Variants in IFT43 observed in about 807,000 individuals in gnomAD.
IFT43 encodes the protein intraflagellar transport 43, also known as intraflagellar transport protein 43 homolog.
IFT43 carries 33 observed loss-of-function variants against 32.3 expected under a neutral mutation model. That is an observed-to-expected ratio of 1.02 (90% CI 0.77 to 1.37). The LOEUF is 1.37. IFT43 is among the 40% of genes most tolerant of loss of function. The probability of loss-of-function intolerance (pLI) is 0.00; values close to 1 mark genes in which losing one functional copy is unlikely to be tolerated. For missense variants in IFT43, 274 were observed against 265.9 expected, an observed-to-expected ratio of 1.03 and a Z score of -0.21; for synonymous variants, 93 against 98.2, an observed-to-expected ratio of 0.95 and a Z score of 0.31.
chr14:76,060,534 C>CTT (rs35513401), intron 5 of IFT43, among the ~76,000 whole-genome samples: 6 of 148,736 alleles, frequency 4.0e-5, no homozygotes, highest in Admixed American at 1.3e-4. Context: ...TTGTCAAAGC[C>CTT]TTTTTTTTTT....
intron 5 of IFT43, among the ~76,000 whole-genome samples, chr14:76,065,820 A>G (rs561830840): frequency 2.6e-5 from 4 of 152,324 alleles, no homozygotes; most frequent in African/African-American, 9.6e-5. Flanking sequence ...GATGGGATCT[A>G]TGTTGCCCAG....
intron 2 of IFT43, among the ~76,000 whole-genome samples, chr14:76,002,334 A>G (rs2035901753): frequency 6.8e-6 from 1 of 146,130 alleles, no homozygotes; most frequent in Admixed American, 7.0e-5. Flanking sequence ...GGACATTCCA[A>G]CCATAGCAAG....
At chr14:75,991,946 C>A (rs2035652154) in intron 2 of IFT43, among the ~76,000 whole-genome samples, 1 of 152,100 alleles carries the variant, frequency 6.6e-6, no homozygotes, top group African/African-American at 2.4e-5. Flanking sequence ...AATTAGATCC[C>A]AAGACTTGTG....
chr14:76,064,360 C>T (rs72725693), intron 5 of IFT43, among the ~76,000 whole-genome samples: 23,478 of 152,238 alleles, frequency 0.15, 1,938 homozygotes, highest in Non-Finnish European at 0.19. Context: ...TGCCTGTCAT[C>T]GCAGACTGCT....
At chr14:76,072,152 C>G (rs963953569) in intron 5 of IFT43, among the ~76,000 whole-genome samples, 3 of 152,148 alleles carry the variant, frequency 2.0e-5, no homozygotes, top group African/African-American at 7.2e-5. Context: ...TCAGGTTTGA[C>G]CATTCCTCTC....
chr14:76,026,941 T>C (rs2036408514), intron 3 of IFT43, among the ~76,000 whole-genome samples: 1 of 152,150 alleles, frequency 6.6e-6, no homozygotes, highest in African/African-American at 2.4e-5. Flanking sequence ...GGAACATGGA[T>C]GGAGCTGCAG....
At chr14:76,063,006 A>G (rs1594856720) in intron 5 of IFT43, among the ~76,000 whole-genome samples, 2 of 151,324 alleles carry the variant, frequency 1.3e-5, no homozygotes, top group Non-Finnish European at 2.9e-5. Flanking sequence ...GTAAGCAGTT[A>G]ATATATTTTC....
intron 2 of IFT43, among the ~76,000 whole-genome samples, chr14:76,018,632 G>A (rs1047511020): frequency 1.3e-5 from 2 of 152,076 alleles, no homozygotes; most frequent in African/African-American, 4.8e-5. Context: ...GATCTCTCCA[G>A]TGCTGACAGT....
intron 2 of IFT43, among the ~76,000 whole-genome samples, chr14:76,012,282 A>G (rs975989256): frequency 3.3e-5 from 5 of 152,208 alleles, no homozygotes; most frequent in African/African-American, 9.6e-5. Flanking sequence ...GCACTGCAGC[A>G]TCTTTTCTGT....
intron 2 of IFT43, among the ~76,000 whole-genome samples, chr14:75,996,550 C>T (rs1420541168): frequency 6.6e-6 from 1 of 152,210 alleles, no homozygotes. Flanking sequence ...TAACAACTGG[C>T]CCTTATGGCA....
chr14:76,039,872 G>T (rs749010381), intron 3 of IFT43, among the ~76,000 whole-genome samples: 5 of 152,074 alleles, frequency 3.3e-5, no homozygotes, highest in Non-Finnish European at 5.9e-5. Context: ...ACACAAATGG[G>T]AACATATGCA....
At chr14:76,051,445 C>T (rs2036912229) in intron 3 of IFT43, among the ~76,000 whole-genome samples, 1 of 152,070 alleles carries the variant, frequency 6.6e-6, no homozygotes, top group Admixed American at 6.5e-5. Flanking sequence ...ATTGAATGAG[C>T]AGTGTGGCCA....
chr14:75,993,866 C>G (rs2035689272), intron 2 of IFT43, among the ~76,000 whole-genome samples: 3 of 152,018 alleles, frequency 2.0e-5, no homozygotes, highest in Admixed American at 1.3e-4. Flanking sequence ...AAGGGTGTAC[C>G]CCTTCTTATC....
At chr14:76,020,253 A>G (rs978680732) in intron 2 of IFT43, among the ~76,000 whole-genome samples, 5 of 152,166 alleles carry the variant, frequency 3.3e-5, no homozygotes, top group Middle Eastern at 3.2e-3. Flanking sequence ...GATTATAGGC[A>G]TGAGCCACCG....
intron 3 of IFT43, among the ~76,000 whole-genome samples, chr14:76,053,251 G>A (rs971767868): frequency 7.2e-5 from 11 of 152,064 alleles, no homozygotes; most frequent in South Asian, 2.1e-4. Context: ...GTCATCAGTC[G>A]TCATCCTTCT....
At chr14:76,063,316 G>A (rs1566731696) in intron 5 of IFT43, among the ~76,000 whole-genome samples, 1 of 152,196 alleles carries the variant, frequency 6.6e-6, no homozygotes, top group African/African-American at 2.4e-5. Flanking sequence ...GTCTGCCCAG[G>A]CTTGTGGAGT....
At chr14:76,048,730 A>G (rs1305389198) in intron 3 of IFT43, among the ~76,000 whole-genome samples, 1 of 152,136 alleles carries the variant, frequency 6.6e-6, no homozygotes, top group Non-Finnish European at 1.5e-5. Flanking sequence ...TGGCTACACC[A>G]GTTTCTCCAG....
intron 1 of IFT43, 82 bp from the exon 2 acceptor site, chr14:75,988,803 C>G: frequency 1.2e-6 from 2 of 1,605,158 alleles, no homozygotes; most frequent in South Asian, 1.1e-5. Flanking sequence ...CAGCTGTGAG[C>G]CACTGCGCCC....
chr14:76,065,080 C>T (rs763919394), intron 5 of IFT43, among the ~76,000 whole-genome samples: 1 of 152,190 alleles, frequency 6.6e-6, no homozygotes, highest in African/African-American at 2.4e-5. Context: ...CAAATTGTTG[C>T]ACCTTTAAGC....
Sources: gnomAD v4.1 joint callset for allele counts (sites outside exome capture counted in the v4.1 genomes callset) on GRCh38, gnomAD v4.1.1 for gene constraint, MANE v1.5 for transcripts, NCBI Gene and HGNC (gene_info 2026-07-23, HGNC 2026-07-21) for gene names.